Variants in ZC3H13 observed in about 807,000 individuals in gnomAD.
ZC3H13 encodes the protein zinc finger CCCH-type containing 13.
In ZC3H13, 64 loss-of-function variants were observed where a neutral mutation model predicts 204.1. The ratio of observed to expected loss-of-function variants is 0.31; its 90% CI spans 0.26 to 0.39. The LOEUF (loss-of-function observed/expected upper bound fraction) is 0.39, where lower values mean the gene tolerates loss of function less well. ZC3H13 is among the 10% of genes least tolerant of loss of function. ZC3H13 has a pLI of 1.00. For synonymous variants in ZC3H13, 667 were observed against 693.7 expected (o/e 0.96, Z 0.60); for missense variants, 1,833 against 2,082.7 (o/e 0.88, Z 2.33).
At chr13:46,035,890 G>A (rs1176715292) in intron 4 of ZC3H13, among the ~76,000 whole-genome samples, 1 of 152,130 alleles carries the variant, frequency 6.6e-6, no homozygotes, top group South Asian at 2.1e-4. Flanking sequence ...TCCACTGCAG[G>A]AGTCCTGCTA....
chr13:45,993,069 G>C (rs1052029380), intron 8 of ZC3H13, among the ~76,000 whole-genome samples: 1 of 151,984 alleles, frequency 6.6e-6, no homozygotes, highest in South Asian at 2.1e-4. Flanking sequence ...CTAATACATC[G>C]AGGGAGGACT....
chr13:45,960,038 AC>A (rs1397047771), intron 17 of ZC3H13, among the ~76,000 whole-genome samples: 1 of 151,686 alleles, frequency 6.6e-6, no homozygotes, highest in African/African-American at 2.4e-5. Context: ...TGAAACCTCC[AC>A]CTCCTGGATT....
intron 11 of ZC3H13, among the ~76,000 whole-genome samples, chr13:45,977,217 C>T (rs978195884): frequency 6.6e-6 from 1 of 152,084 alleles, no homozygotes; most frequent in Non-Finnish European, 1.5e-5. Flanking sequence ...ACTTTGGATT[C>T]CTAGAATGCT....
At position 45,975,329 on chromosome 13, in the gene ZC3H13, G is replaced by A; in HGVS notation, c.2422C>T (p.Arg808Ter). The change falls in exon 12 of 19, where the codon CGA becomes TGA. Residue 808 changes from arginine (R) to a stop codon, truncating the protein, a stop_gained. Coordinates refer to ENST00000679008, the MANE Select transcript of ZC3H13 (RefSeq NM_001330564.2). LOFTEE classifies it high-confidence loss of function. ...DDRREKREEI[R>*]EDRNPRDGHD... Reference sequence around the variant, plus strand: ...CCATCTCTTGGATTCCTATCTTCTCGGATCTCTTCTCGCTTTTCTCTGCGG... The same window carrying A: ...CCATCTCTTGGATTCCTATCTTCTCAGATCTCTTCTCGCTTTTCTCTGCGG... 6.2e-7 allele frequency: 1 copy of A among 1,613,512 alleles called. No individual in the cohort carries two copies. The highest frequency in any genetic ancestry group is 8.5e-7 in the Non-Finnish European group (1 of 1,179,816).
At chr13:45,975,026 T>A (rs1230401107) in intron 12 of ZC3H13, among the ~76,000 whole-genome samples, 1 of 151,940 alleles carries the variant, frequency 6.6e-6, no homozygotes, top group Non-Finnish European at 1.5e-5. Flanking sequence ...TTGTATTTTC[T>A]GTAGAGATGG....
intron 4 of ZC3H13, among the ~76,000 whole-genome samples, chr13:46,028,070 T>G (rs913672983): frequency 2.0e-5 from 3 of 152,146 alleles, no homozygotes; most frequent in African/African-American, 7.2e-5. Context: ...CCCAATGGTA[T>G]GTTGTCTACA....
intron 11 of ZC3H13, among the ~76,000 whole-genome samples, chr13:45,976,526 C>T (rs1953062615): frequency 6.6e-6 from 1 of 152,198 alleles, no homozygotes; most frequent in Admixed American, 6.5e-5. Context: ...GCTTTAATTA[C>T]ATAAATGATT....
At chr13:45,960,132 T>A (rs1050387349) in intron 17 of ZC3H13, among the ~76,000 whole-genome samples, 2 of 151,872 alleles carry the variant, frequency 1.3e-5, no homozygotes, top group African/African-American at 2.4e-5. Context: ...TTTTTTGGTA[T>A]TTTTAGTAGA....
At chr13:45,990,028 A>AT (rs1276927070) in intron 8 of ZC3H13, among the ~76,000 whole-genome samples, 1 of 152,296 alleles carries the variant, frequency 6.6e-6, no homozygotes, top group Admixed American at 6.5e-5. Context: ...TATGATAAAC[A>AT]TTTTTTTAGT....
rs1951218702 is a variant in ZC3H13, at chr13:45,955,228, T to C, written c.*1899A>G. 6.6e-6 allele frequency: 1 copy of C among 152,154 alleles called. No homozygotes were observed. Among genetic ancestry groups the C allele is most frequent in the Non-Finnish European group, 1.5e-5 (1 of 68,010 alleles). 9.4% of individuals were successfully genotyped at this position (152,154 alleles called of 1,614,324 possible). On this transcript the variant is annotated 3_prime_UTR_variant, in exon 19 of 19. Transcript: ENST00000679008. The stretch of plus-strand genomic sequence containing the variant: ...ATGGTCCAAGAGCTTTTATGAGAAA[T>C]TCAATCAAAAATTTTGCTTTAGAAA...
chr13:46,013,717 C>T (rs2041727902), intron 5 of ZC3H13, among the ~76,000 whole-genome samples: 1 of 152,132 alleles, frequency 6.6e-6, no homozygotes, highest in Non-Finnish European at 1.5e-5. Context: ...TTCAGGTTAT[C>T]ACTACAATTT....
chr13:46,004,140 C>CTG (rs113622879), intron 7 of ZC3H13, among the ~76,000 whole-genome samples: 105,527 of 149,554 alleles, frequency 0.71, 37,309 homozygotes, highest in African/African-American at 0.78. Flanking sequence ...AATGGTAACT[C>CTG]TGTGTGTGTG....
At chr13:45,976,073 A>G (rs772126916) in intron 11 of ZC3H13, 6 of 740,754 alleles carry the variant, frequency 8.1e-6, no homozygotes, top group East Asian at 1.3e-4. Context: ...CTCCCCGTCA[A>G]CCCCCTTCCC....
intron 14 of ZC3H13, among the ~76,000 whole-genome samples, chr13:45,968,340 A>G (rs972918299): frequency 2.0e-5 from 3 of 152,150 alleles, no homozygotes; most frequent in African/African-American, 4.8e-5. Flanking sequence ...ACATAAAATG[A>G]TTAGGCATTA....
intron 4 of ZC3H13, among the ~76,000 whole-genome samples, chr13:46,032,329 A>T (rs1308831726): frequency 2.0e-5 from 3 of 151,528 alleles, no homozygotes; most frequent in African/African-American, 7.3e-5. Flanking sequence ...TTTCCCTAAA[A>T]TACAGAATTT....
At chr13:46,051,209 T>C (rs866864241) in intron 1 of ZC3H13, among the ~76,000 whole-genome samples, 28 of 152,222 alleles carry the variant, frequency 1.8e-4, no homozygotes, top group African/African-American at 6.8e-4. Flanking sequence ...ATTACAAATA[T>C]GAAAATCACA....
rs750290690 is a variant in ZC3H13 at position 45,969,731 on chromosome 13, A to G, written c.2813T>C (p.Ile938Thr). 2.5e-6 allele frequency: 4 copies of G among 1,613,794 alleles called. No homozygotes were observed. Among genetic ancestry groups the G allele is most frequent in the East Asian group, 2.2e-5 (1 of 44,868 alleles). ...TCGATCTTCAGACTGGTGGTGTCCTATAATGTCCTGTGCACGCATTCTTGA... is the reference window on the plus strand; with the variant it reads ...TCGATCTTCAGACTGGTGGTGTCCTGTAATGTCCTGTGCACGCATTCTTGA... ...ESSRMRAQDI[I>T]GHHQSEDRET... The change falls in exon 14 of 19, where the codon ATA (isoleucine) becomes ACA (threonine). Residue 938 changes from isoleucine to threonine, a missense_variant. This residue lies in a region of ZC3H13 where 1,574 missense variants were observed against 1,757.2 expected (regional missense o/e 0.90). Transcript: ENST00000679008.
rs571630119 is a variant in ZC3H13, at chr13:46,039,496, C to T, written c.339+2668G>A. On this transcript the variant is annotated intron_variant, in intron 4 of 18. Transcript: ENST00000679008. Reference sequence around the variant, plus strand: ...ATGGACAGCCTGCATTTCCATTTTACGGATAAGGAGACAAGAAGAAGAGTT... The same window carrying T: ...ATGGACAGCCTGCATTTCCATTTTATGGATAAGGAGACAAGAAGAAGAGTT... Among the ~76,000 whole-genome samples the T allele has an allele frequency of 6.6e-5, 10 of 152,270 alleles. No individual in the cohort carries two copies. The South Asian group carries it at 1.7e-3, about 25-fold the overall frequency.
intron 11 of ZC3H13, among the ~76,000 whole-genome samples, chr13:45,977,502 CT>C (rs1953156854): frequency 6.6e-6 from 1 of 152,142 alleles, no homozygotes; most frequent in Admixed American, 6.6e-5. Flanking sequence ...TTATCTTCCC[CT>C]ATCTTTCCCC....
Sources: allele counts gnomAD v4.1 joint callset (sites outside exome capture counted in the v4.1 genomes callset), GRCh38; gene constraint gnomAD v4.1.1; regional missense constraint gnomAD v4.1.1; transcripts MANE v1.5; gene names NCBI Gene and HGNC (gene_info 2026-07-23, HGNC 2026-07-21).